KCNJ5: variants seen among roughly 807,000 people sequenced by gnomAD.
The protein encoded by KCNJ5 is potassium inwardly rectifying channel subfamily J member 5.
KCNJ5 carries 12 observed loss-of-function variants against 20.2 expected under a neutral mutation model. The ratio of observed to expected loss-of-function variants is 0.59; its 90% CI spans 0.38 to 0.96. KCNJ5 has a LOEUF of 0.96. KCNJ5 is among the 40% of genes least tolerant of loss of function. KCNJ5 has a pLI of 0.00. For missense variants in KCNJ5, 449 were observed against 557.6 expected (o/e 0.81, Z 1.96); for synonymous variants, 210 against 213.9 (o/e 0.98, Z 0.16).
rs991266331 is a variant in KCNJ5 at position 128,898,252 on chromosome 11, G to A, written c.-11+6531G>A. On this transcript the variant is annotated intron_variant, in intron 1 of 2. Coordinates refer to ENST00000529694, the MANE Select transcript of KCNJ5 (RefSeq NM_000890.5). Reference sequence around the variant, plus strand: ...GTATATGAATTCAGAGAGAATCAACGTTTTTACTATATTGAGTCTTCCAAT... The same window carrying A: ...GTATATGAATTCAGAGAGAATCAACATTTTTACTATATTGAGTCTTCCAAT... 9.2e-5 allele frequency among the ~76,000 whole-genome samples: 14 copies of A among 152,294 alleles called. No individual in the cohort carries two copies. In the South Asian group the frequency reaches 2.9e-3, roughly 32 times the overall value.
intron 1 of KCNJ5, chr11:128,903,221 A>G: frequency 1.9e-6 from 2 of 1,030,898 alleles, no homozygotes; most frequent in Non-Finnish European, 2.7e-6. Context: ...AACATTTTAA[A>G]TGTTTCTCTA....
intron 1 of KCNJ5, among the ~76,000 whole-genome samples, chr11:128,906,783 C>A (rs1251786670): frequency 2.0e-5 from 3 of 152,204 alleles, no homozygotes; most frequent in African/African-American, 7.2e-5. Context: ...GTCAAGCTCA[C>A]CCCAGATGAA....
intron 1 of KCNJ5, among the ~76,000 whole-genome samples, chr11:128,894,114 C>T (rs919118229): frequency 7.2e-5 from 11 of 151,982 alleles, no homozygotes; most frequent in South Asian, 2.1e-4. Flanking sequence ...TTCCTGCCTG[C>T]GGTGGGCGAA....
intron 1 of KCNJ5, among the ~76,000 whole-genome samples, chr11:128,899,086 C>T (rs1450858417): frequency 6.6e-6 from 1 of 152,112 alleles, no homozygotes; most frequent in East Asian, 1.9e-4. Flanking sequence ...ATCATTTAAG[C>T]ATTCCATTTT....
chr11:128,903,443 CA>C (rs780416853), intron 1 of KCNJ5: 4 of 1,614,160 alleles, frequency 2.5e-6, no homozygotes, highest in Non-Finnish European at 1.7e-6. Context: ...ATGGCATGCA[CA>C]TCCTGCCCAG....
rs778911072 is a variant in KCNJ5, at chr11:128,911,764, G to C, written c.491G>C (p.Gly164Ala). 1 of 1,614,066 alleles carries C rather than the reference G, an allele frequency of 6.2e-7. No homozygotes were observed. Among genetic ancestry groups the C allele is most frequent in the African/African-American group, 1.3e-5 (1 of 75,022 alleles). ...FRVITEKCPE[G>A]IILLLVQAIL... Reference sequence around the variant, plus strand: ...GTCATCACAGAGAAGTGTCCAGAGGGGATTATACTCCTCTTGGTCCAGGCC... The same window carrying C: ...GTCATCACAGAGAAGTGTCCAGAGGCGATTATACTCCTCTTGGTCCAGGCC... The change falls in exon 2 of 3, where the codon GGG (glycine) becomes GCG (alanine). Residue 164 changes from glycine (G) to alanine (A), a missense_variant. Physicochemically the swap from Gly to Ala is moderately conservative, Grantham distance 60. Around this residue, in one of 5 missense-constraint regions of KCNJ5, gnomAD observed 203 missense variants for 258.0 expected, o/e 0.79. Transcript: ENST00000529694. The surrounding 1 kb of genome is among the most constrained non-coding windows in gnomAD (Gnocchi z 6.3).
intron 1 of KCNJ5, among the ~76,000 whole-genome samples, chr11:128,893,868 C>T (rs572871319): frequency 6.6e-6 from 1 of 152,234 alleles, no homozygotes; most frequent in Non-Finnish European, 1.5e-5. Context: ...GTCTGTGGGT[C>T]CAGCAGAGAC....
At chr11:128,913,817 A>G (rs76579902) in intron 2 of KCNJ5, among the ~76,000 whole-genome samples, 11,368 of 152,004 alleles carry the variant, frequency 0.075, 1,428 homozygotes, top group African/African-American at 0.26. Context: ...TTCTCTCACC[A>G]CTCTGCCCCA....
At chr11:128,902,392 C>G (rs535081364) in intron 1 of KCNJ5, 2 of 830,080 alleles carry the variant, frequency 2.4e-6, no homozygotes, top group Non-Finnish European at 3.8e-6. Flanking sequence ...GGAGGACTAT[C>G]GCACTGCCCA....
chr11:128,904,629 G>C (rs770840885), intron 1 of KCNJ5: 12 of 737,110 alleles, frequency 1.6e-5, no homozygotes, highest in African/African-American at 6.9e-5. Context: ...ATCAGAACCC[G>C]CATTTTAGCC....
Position 128,912,179 on chromosome 11 carries a change from G to C in KCNJ5, c.906G>C (p.Val302=). ...TGCATCAGGAAGAGTTTGAAGTTGT[G>C]GTCATTCTAGAAGGGATGGTGGAAG... ...AQLHQEEFEV[V]VILEGMVEAT... Residue 302 remains valine, a synonymous_variant, in exon 2 of 3, where the codon GTG becomes GTC. Coordinates refer to ENST00000529694, the MANE Select transcript of KCNJ5 (RefSeq NM_000890.5). 1 of 1,606,066 alleles carries C rather than the reference G, an allele frequency of 6.2e-7. No homozygotes were observed. Among genetic ancestry groups the C allele is most frequent in the South Asian group, 1.1e-5 (1 of 91,074 alleles).
intron 1 of KCNJ5, among the ~76,000 whole-genome samples, chr11:128,896,885 GTTTTT>G (rs1294368434): frequency 6.6e-6 from 1 of 151,712 alleles, no homozygotes; most frequent in Non-Finnish European, 1.5e-5. Flanking sequence ...TGTATGTTTA[GTTTTT>G]TTTATTTTTT....
intron 1 of KCNJ5, among the ~76,000 whole-genome samples, chr11:128,905,018 ATTTTG>A (rs1417263235): frequency 6.6e-6 from 1 of 152,198 alleles, no homozygotes; most frequent in Admixed American, 6.5e-5. Context: ...CTAGAGGATA[ATTTTG>A]TTTTGTTTTA....
rs1258137665 is a variant in KCNJ5 at position 128,911,634 on chromosome 11, G to A, written c.361G>A (p.Val121Ile). 3 of 1,614,246 alleles carry A rather than the reference G, an allele frequency of 1.9e-6. No individual in the cohort carries two copies. Among genetic ancestry groups the A allele is most frequent in the Admixed American group, 3.3e-5 (2 of 60,036 alleles). Residue 121 changes from valine (V) to isoleucine (I), a missense_variant, in exon 2 of 3, where the codon GTT becomes ATT. This residue lies in a region of KCNJ5 where 203 missense variants were observed against 258.0 expected (regional missense o/e 0.79). Transcript: ENST00000529694. The surrounding 1 kb of genome is among the most constrained non-coding windows in gnomAD (Gnocchi z 6.3). ...IAYIRGDLDH[V>I]GDQEWIPCVE... ...TTATATCCGGGGTGACCTGGACCAT[G>A]TTGGCGACCAAGAGTGGATTCCTTG...
chr11:128,898,051 A>G (rs1473741751), intron 1 of KCNJ5, among the ~76,000 whole-genome samples: 2 of 152,218 alleles, frequency 1.3e-5, no homozygotes, highest in African/African-American at 4.8e-5. Flanking sequence ...GTTTCCTCAT[A>G]ACTGCAGTTA....
intron 1 of KCNJ5, among the ~76,000 whole-genome samples, chr11:128,904,785 T>G (rs1421714680): frequency 1.3e-5 from 2 of 152,184 alleles, no homozygotes; most frequent in East Asian, 3.9e-4. Context: ...AGTGAAGCCC[T>G]GTGTCAGCTT....
chr11:128,909,261 T>G (rs1003288997), intron 1 of KCNJ5, among the ~76,000 whole-genome samples: 2 of 152,184 alleles, frequency 1.3e-5, no homozygotes, highest in African/African-American at 4.8e-5. Context: ...TTTTCCAGGT[T>G]GTTCTACTGG....
rs1591456383 is a variant in KCNJ5 at position 128,920,283 on chromosome 11, T to C, written c.*3552T>C. The C allele has an allele frequency of 6.5e-6, 1 of 152,850 alleles. No individual in the cohort carries two copies. The highest frequency in any genetic ancestry group is 2.1e-4 in the South Asian group (1 of 4,826). 9.5% of individuals were successfully genotyped at this position (152,850 alleles called of 1,614,324 possible). On this transcript the variant is annotated 3_prime_UTR_variant, in exon 3 of 3. Transcript: ENST00000529694. ...CCTCCTGTGTAGTCAGAGAACCCAC[T>C]GCCCATCGCCTCCTGCTGCTGCTTT...
In KCNJ5 at chr11:128,916,123, T is replaced by C. The variant is rs1337183101; in HGVS notation, c.938-286T>C. Among the ~76,000 whole-genome samples the C allele has an allele frequency of 2.8e-5, 4 of 144,682 alleles. No individual in the cohort carries two copies. In the Admixed American group the frequency reaches 3.0e-4, roughly 11 times the overall value. 94.9% of individuals were successfully genotyped at this position (144,682 alleles called of 152,430 possible). A position where few individuals can be genotyped will look rare whatever the true frequency, so the allele number is the denominator to read the frequency against. ...ATAATTGGATGGATGGATGGATGGA[T>C]GGATGGATGGATGGATGGATGGATA... is the stretch of plus-strand genomic sequence containing the variant. On this transcript the variant is annotated intron_variant, in intron 2 of 2. Transcript: ENST00000529694.
Sources: allele counts gnomAD v4.1 joint callset (sites outside exome capture counted in the v4.1 genomes callset), GRCh38; gene constraint gnomAD v4.1.1; regional missense constraint gnomAD v4.1.1; non-coding constraint Gnocchi (gnomAD v3.1); transcripts MANE v1.5; gene names NCBI Gene and HGNC (gene_info 2026-07-23, HGNC 2026-07-21).